TRHDE: variants seen among roughly 807,000 people sequenced by gnomAD.
The protein encoded by TRHDE is thyrotropin-releasing hormone-degrading ectoenzyme.
In TRHDE, 72 loss-of-function variants were observed where a neutral mutation model predicts 125.7. That is an observed-to-expected ratio of 0.57 (90% confidence interval 0.47 to 0.70). The LOEUF (loss-of-function observed/expected upper bound fraction) is 0.70, where lower values mean the gene tolerates loss of function less well. TRHDE is among the 30% of genes least tolerant of loss of function. The probability of loss-of-function intolerance (pLI) is 0.00; values close to 1 mark genes in which losing one functional copy is unlikely to be tolerated. For missense variants in TRHDE, 1,110 were observed against 1,327.1 expected, an observed-to-expected ratio of 0.84 and a Z score of 2.54; for synonymous variants, 509 against 509.1, an observed-to-expected ratio of 1.00 and a Z score of 0.00.
intron 5 of TRHDE, among the ~76,000 whole-genome samples, chr12:72,498,633 CA>C (rs1878016968): frequency 6.6e-6 from 1 of 152,174 alleles, no homozygotes; most frequent in Admixed American, 6.5e-5. Context: ...TTTCTATTAA[CA>C]AAAACCTAGC....
At chr12:72,168,226 T>C (rs1248729736) in intron 2 of TRHDE, among the ~76,000 whole-genome samples, 1 of 152,140 alleles carries the variant, frequency 6.6e-6, no homozygotes, top group Admixed American at 6.5e-5. Context: ...AAAGAAATAT[T>C]CCAAATTTTC....
chr12:72,117,052 C>T (rs1291402823), intron 2 of TRHDE, among the ~76,000 whole-genome samples: 2 of 152,034 alleles, frequency 1.3e-5, no homozygotes, highest in Non-Finnish European at 2.9e-5. Flanking sequence ...TGTCTCTTCT[C>T]TGTGTTGTTT....
chr12:72,563,346 AG>A (rs1279342110), intron 9 of TRHDE, among the ~76,000 whole-genome samples: 1 of 152,222 alleles, frequency 6.6e-6, no homozygotes, highest in Non-Finnish European at 1.5e-5. Context: ...ATTAAATGCA[AG>A]AAGTTAAAAT....
intron 7 of TRHDE, among the ~76,000 whole-genome samples, chr12:72,543,251 TA>T (rs1592525177): frequency 6.6e-6 from 1 of 151,510 alleles, no homozygotes; most frequent in East Asian, 1.9e-4. Flanking sequence ...AATTGAAAGA[TA>T]AAATACAAGG....
intron 15 of TRHDE, among the ~76,000 whole-genome samples, chr12:72,632,272 G>A (rs138099604): frequency 8.1e-4 from 123 of 152,024 alleles, no homozygotes; most frequent in African/African-American, 2.7e-3. Flanking sequence ...ATTAATTTTT[G>A]TTTCTATAGT....
At chr12:72,467,214 C>T (rs1392525892) in intron 3 of TRHDE, among the ~76,000 whole-genome samples, 5 of 151,996 alleles carry the variant, frequency 3.3e-5, no homozygotes, top group Admixed American at 3.3e-4. Flanking sequence ...GGTATATCTC[C>T]TAATGCTATC....
rs1359719187 is a variant in TRHDE, at chr12:72,364,024, G to T, written c.1189-13971G>T. On this transcript the variant is annotated intron_variant, in intron 2 of 18. Transcript: ENST00000261180. ...CATGAGTGAACTCCCATTCACAATT[G>T]CTTCAAAGAGAATAAAATAGCTAGG... 2.0e-5 allele frequency among the ~76,000 whole-genome samples: 3 copies of T among 152,050 alleles called. 1 individual carries two copies. Among genetic ancestry groups the T allele is most frequent in the South Asian group, 4.1e-4 (2 of 4,826 alleles).
chr12:72,582,454 G>A, intron 12 of TRHDE: 1 of 985,320 alleles, frequency 1.0e-6, no homozygotes, highest in Non-Finnish European at 1.2e-6. Flanking sequence ...TTTCGGCATG[G>A]CTTTTGTTAG....
intron 2 of TRHDE, among the ~76,000 whole-genome samples, chr12:72,154,982 A>G (rs1876468262): frequency 6.6e-6 from 1 of 152,218 alleles, no homozygotes; most frequent in South Asian, 2.1e-4. Flanking sequence ...AATATCCTGA[A>G]GAGTGTTTTC....
At chr12:72,247,887 A>G (rs900384789) in intron 2 of TRHDE, among the ~76,000 whole-genome samples, 1 of 152,074 alleles carries the variant, frequency 6.6e-6, no homozygotes, top group Non-Finnish European at 1.5e-5. Context: ...CTATGTATCT[A>G]TGTATTTATG....
intron 2 of TRHDE, among the ~76,000 whole-genome samples, chr12:72,234,781 A>G (rs991277299): frequency 1.3e-5 from 2 of 152,230 alleles, no homozygotes; most frequent in African/African-American, 4.8e-5. Context: ...CTTTTAATGA[A>G]TTTAGGTAAA....
chr12:72,144,611 T>C (rs1876187245), intron 2 of TRHDE, among the ~76,000 whole-genome samples: 1 of 152,182 alleles, frequency 6.6e-6, no homozygotes, highest in Non-Finnish European at 1.5e-5. Context: ...AAGATTTTCA[T>C]TGTTTTCCAT....
intron 2 of TRHDE, among the ~76,000 whole-genome samples, chr12:72,295,449 T>C (rs1880259014): frequency 6.6e-6 from 1 of 152,016 alleles, no homozygotes; most frequent in South Asian, 2.1e-4. Flanking sequence ...GGAATATATA[T>C]TGCAAAAAGA....
chr12:72,532,839 A>T (rs1376752505), intron 6 of TRHDE, among the ~76,000 whole-genome samples: 1 of 150,446 alleles, frequency 6.6e-6, no homozygotes, highest in African/African-American at 2.4e-5. Context: ...TCTTTATATT[A>T]GTCTATATTA....
At chr12:72,509,672 A>C (rs1326498910) in intron 6 of TRHDE, among the ~76,000 whole-genome samples, 1 of 152,062 alleles carries the variant, frequency 6.6e-6, no homozygotes, top group East Asian at 1.9e-4. Context: ...TCTTAATCTG[A>C]TCCTATTATG....
chr12:72,115,753 G>A (rs931189556), intron 2 of TRHDE, among the ~76,000 whole-genome samples: 1 of 152,146 alleles, frequency 6.6e-6, no homozygotes, highest in South Asian at 2.1e-4. Context: ...TACCTGAGGT[G>A]AGATGATGTC....
intron 5 of TRHDE, among the ~76,000 whole-genome samples, chr12:72,499,244 A>G (rs535916649): frequency 6.6e-6 from 1 of 152,286 alleles, no homozygotes; most frequent in Admixed American, 6.5e-5. Context: ...GTTAAAACAC[A>G]GAGTTCACTG....
intron 2 of TRHDE, among the ~76,000 whole-genome samples, chr12:72,174,781 C>T (rs1320357928): frequency 6.6e-6 from 1 of 152,056 alleles, no homozygotes; most frequent in African/African-American, 2.4e-5. Context: ...GTTAGTTTGC[C>T]TTATTATTGA....
chr12:72,203,529 C>G (rs1877605551), intron 2 of TRHDE, among the ~76,000 whole-genome samples: 1 of 152,046 alleles, frequency 6.6e-6, no homozygotes, highest in Admixed American at 6.6e-5. Flanking sequence ...GGGAGCGTCA[C>G]TGCAATTCAC....
Sources: gnomAD v4.1 joint callset for allele counts (sites outside exome capture counted in the v4.1 genomes callset) on GRCh38, gnomAD v4.1.1 for gene constraint, MANE v1.5 for transcripts, NCBI Gene and HGNC (gene_info 2026-07-23, HGNC 2026-07-21) for gene names.